The following LRBA variants were observed in gnomAD, a reference collection of about 807,000 sequenced individuals.
LRBA encodes the protein lipopolysaccharide-responsive and beige-like anchor protein.
A neutral mutation model predicts 330.0 loss-of-function variants in LRBA; 176 were observed. That is an observed-to-expected ratio of 0.53 (90% CI 0.47 to 0.60). LRBA has a LOEUF of 0.60. Ranked by LOEUF, LRBA falls within the 20% of genes least tolerant of loss-of-function variation. The pLI is 0.00. For synonymous variants in LRBA, 1,230 were observed against 1,193.0 expected (o/e 1.03, Z -0.64); for missense variants, 3,259 against 3,444.8 (o/e 0.95, Z 1.35).
At chr4:150,917,162 A>T (rs10031242) in intron 5 of LRBA, among the ~76,000 whole-genome samples, 117,081 of 151,630 alleles carry the variant, frequency 0.77, 49,370 homozygotes, top group Non-Finnish European at 0.95. Flanking sequence ...CAAAAAAAAA[A>T]ATATATATAT....
rs70941466 is a variant in LRBA at position 151,009,983 on chromosome 4, A to AAAATAAATAAAT, written c.216+4432_216+4443dup. 4.7e-3 allele frequency among the ~76,000 whole-genome samples: 711 copies of AAAATAAATAAAT among 151,086 alleles called. 1 individual carries two copies. The highest frequency in any genetic ancestry group is 8.3e-3 in the Non-Finnish European group (565 of 67,896). ...GGACAGAGTGAGGCTCCATCTCAAA[A>AAAATAAATAAAT]AAATAAATAAATAAATAAATAAATA... On this transcript the variant is annotated intron_variant, in intron 2 of 56. Coordinates refer to ENST00000651943, the MANE Select transcript of LRBA (RefSeq NM_001364905.1).
chr4:150,435,659 T>C lies in LRBA; in HGVS notation c.6971A>G (p.His2324Arg), dbSNP rs765859987. The change falls in exon 46 of 57, where the codon CAT (histidine) becomes CGT (arginine). Residue 2324 changes from histidine (H) to arginine (R), a missense_variant. His to Arg is a conservative substitution (Grantham distance 29). Coordinates refer to ENST00000651943, the MANE Select transcript of LRBA (RefSeq NM_001364905.1). ...FLNLQGGKFDHADRTFSSISR... is the reference protein window; with the variant it reads ...FLNLQGGKFDRADRTFSSISR... Reference sequence around the variant, plus strand: ...AATTGATGAAAAAGTTCGATCTGCATGATCAAATTTGCCTCCTTGCAAATT... The same window carrying C: ...AATTGATGAAAAAGTTCGATCTGCACGATCAAATTTGCCTCCTTGCAAATT... 5.0e-6 allele frequency: 8 copies of C among 1,612,606 alleles called. No individual in the cohort carries two copies. The highest frequency in any genetic ancestry group is 4.5e-5 in the East Asian group (2 of 44,852).
At chr4:150,790,141 C>T (rs1318291568) in intron 34 of LRBA, among the ~76,000 whole-genome samples, 4 of 152,132 alleles carry the variant, frequency 2.6e-5, no homozygotes, top group African/African-American at 4.8e-5. Flanking sequence ...GTTGATATTA[C>T]TTTGTTTTGC....
intron 37 of LRBA, among the ~76,000 whole-genome samples, chr4:150,626,198 G>A (rs1776846682): frequency 6.6e-6 from 1 of 152,024 alleles, no homozygotes; most frequent in Non-Finnish European, 1.5e-5. Flanking sequence ...GAACTGACCT[G>A]GCTTAACATG....
At chr4:150,961,392 C>A (rs995389464) in intron 2 of LRBA, among the ~76,000 whole-genome samples, 1 of 149,146 alleles carries the variant, frequency 6.7e-6, no homozygotes, top group African/African-American at 2.6e-5. Flanking sequence ...AGAAATACTG[C>A]AAGGCATCAT....
chr4:150,869,046 T>C (rs1753091888), intron 20 of LRBA, among the ~76,000 whole-genome samples: 1 of 152,130 alleles, frequency 6.6e-6, no homozygotes, highest in African/African-American at 2.4e-5. Flanking sequence ...ACACAGTCTT[T>C]CATAGCTGGG....
rs572959587 is a variant in LRBA, at chr4:150,557,055, A to G, written c.6330+30993T>C. ...TCACTGAAAAGAATTAAGGCTCTCC[A>G]AAGTAATAGCTGATTCTAGAGCTGC... On this transcript the variant is annotated intron_variant, in intron 40 of 56. Transcript: ENST00000651943. Among the ~76,000 whole-genome samples, 9 of 152,320 alleles carry G rather than the reference A, an allele frequency of 5.9e-5. 1 individual carries two copies. In the South Asian group the frequency reaches 8.3e-4, roughly 14 times the overall value.
At chr4:150,669,815 C>G (rs143321281) in intron 37 of LRBA, among the ~76,000 whole-genome samples, 1 of 152,130 alleles carries the variant, frequency 6.6e-6, no homozygotes, top group African/African-American at 2.4e-5. Context: ...ATCCACTCAC[C>G]TCAGCCTCCC....
At chr4:150,680,945 C>A (rs1286775875) in intron 37 of LRBA, among the ~76,000 whole-genome samples, 2 of 152,042 alleles carry the variant, frequency 1.3e-5, no homozygotes, top group African/African-American at 4.8e-5. Context: ...GCCTACATAA[C>A]CATGGCTACA....
At chr4:150,798,847 T>C (rs1025685739) in intron 33 of LRBA, among the ~76,000 whole-genome samples, 4 of 152,146 alleles carry the variant, frequency 2.6e-5, no homozygotes, top group Non-Finnish European at 4.4e-5. Flanking sequence ...TGCCAATAAT[T>C]AAAGGGACTA....
intron 40 of LRBA, among the ~76,000 whole-genome samples, chr4:150,498,150 T>G (rs1356869586): frequency 6.6e-6 from 1 of 152,202 alleles, no homozygotes; most frequent in African/African-American, 2.4e-5. Flanking sequence ...TAAAACTATT[T>G]TATTTTAAGC....
intron 36 of LRBA, among the ~76,000 whole-genome samples, chr4:150,720,412 TAAGGA>T (rs1467094108): frequency 6.6e-6 from 1 of 151,934 alleles, no homozygotes; most frequent in Non-Finnish European, 1.5e-5. Context: ...ATAAAGTGAC[TAAGGA>T]AAGAGGCTGA....
chr4:150,809,373 TA>T (rs1431761574), intron 31 of LRBA, among the ~76,000 whole-genome samples: 1 of 152,160 alleles, frequency 6.6e-6, no homozygotes, highest in Non-Finnish European at 1.5e-5. Context: ...AAGATCTGTG[TA>T]AGAAAAGCAC....
Position 150,908,832 on chromosome 4 carries a change from CTT to C in LRBA, c.1185_1186del (p.Ser396ArgfsTer6). 1 of 1,613,030 alleles carries C rather than the reference CTT, an allele frequency of 6.2e-7. No individual in the cohort carries two copies. Among genetic ancestry groups the C allele is most frequent in the African/African-American group, 1.3e-5 (1 of 74,988 alleles). ...GTGATGCTCAGCAAGGAAAAGGTCG[CTT>C]TCTGCTTTGAATTTAAATGTACCCT... On this transcript the variant is annotated frameshift_variant, in exon 10 of 57. Transcript: ENST00000651943. LOFTEE classifies it high-confidence loss of function.
chr4:150,426,550 T>C lies in LRBA; in HGVS notation c.7041+9039A>G, dbSNP rs560403975. On this transcript the variant is annotated intron_variant, in intron 46 of 56. Coordinates refer to ENST00000651943, the MANE Select transcript of LRBA (RefSeq NM_001364905.1). Reference sequence around the variant, plus strand: ...AAAATCACAGGGTTTGCTGTGAGGCTCATATGGGATAATGCGGAATTCTAT... The same window carrying C: ...AAAATCACAGGGTTTGCTGTGAGGCCCATATGGGATAATGCGGAATTCTAT... Among the ~76,000 whole-genome samples the C allele has an allele frequency of 3.3e-5, 5 of 152,094 alleles. No individual in the cohort carries two copies. In the South Asian group the frequency reaches 1.0e-3, roughly 32 times the overall value.
At chr4:150,512,021 T>A (rs1386888568) in intron 40 of LRBA, among the ~76,000 whole-genome samples, 1 of 152,252 alleles carries the variant, frequency 6.6e-6, no homozygotes, top group Non-Finnish European at 1.5e-5. Flanking sequence ...GTACTTATTT[T>A]AGTAATTCCA....
intron 2 of LRBA, among the ~76,000 whole-genome samples, chr4:150,978,134 T>G (rs1740411306): frequency 6.6e-6 from 1 of 152,236 alleles, no homozygotes; most frequent in Admixed American, 6.5e-5. Context: ...CCAATGGTGG[T>G]GGCCACATAG....
intron 2 of LRBA, among the ~76,000 whole-genome samples, chr4:150,993,946 T>C (rs2149633606): frequency 6.6e-6 from 1 of 151,130 alleles, no homozygotes. Context: ...GCACCTGTAA[T>C]CCCAGATACT....
In LRBA at chr4:150,288,469, C is replaced by T. The variant is rs377183417; in HGVS notation, c.8018-2435G>A. On this transcript the variant is annotated intron_variant, in intron 53 of 56. Transcript: ENST00000651943. The stretch of plus-strand genomic sequence containing the variant: ...CTAAAAATACAAAAAATTAGTTTGG[C>T]GTGGTGGTGTGCACCTCTAACAGGT... 5.3e-5 allele frequency among the ~76,000 whole-genome samples: 8 copies of T among 152,140 alleles called. No homozygotes were observed. The South Asian group carries it at 8.3e-4, about 16-fold the overall frequency.
Sources: allele counts gnomAD v4.1 joint callset (sites outside exome capture counted in the v4.1 genomes callset), GRCh38; gene constraint gnomAD v4.1.1; transcripts MANE v1.5; gene names NCBI Gene and HGNC (gene_info 2026-07-23, HGNC 2026-07-21).